DMXL2: variants seen among roughly 807,000 people sequenced by gnomAD.
DMXL2 encodes the protein dmX-like protein 2.
A neutral mutation model predicts 331.1 loss-of-function variants in DMXL2; 103 were observed. The ratio of observed to expected loss-of-function variants is 0.31; its 90% CI spans 0.27 to 0.37. DMXL2 has a LOEUF of 0.37. DMXL2 is among the 10% of genes least tolerant of loss of function. The pLI is 1.00. For synonymous variants in DMXL2, 1,281 were observed against 1,252.1 expected (o/e 1.02, Z -0.49); for missense variants, 3,171 against 3,642.9 (o/e 0.87, Z 3.33).
At chr15:51,616,327 T>C (rs1484686388) in intron 1 of DMXL2, among the ~76,000 whole-genome samples, 1 of 152,128 alleles carries the variant, frequency 6.6e-6, no homozygotes, top group East Asian at 1.9e-4. Context: ...ATGAGAGGAT[T>C]TGAGAGTAAA....
At chr15:51,588,345 G>A (rs2052018657) in intron 1 of DMXL2, among the ~76,000 whole-genome samples, 1 of 151,972 alleles carries the variant, frequency 6.6e-6, no homozygotes, top group African/African-American at 2.4e-5. Flanking sequence ...TTTTGGTAGA[G>A]ATAGTATTTC....
chr15:51,452,966 T>C (rs951387798), intron 41 of DMXL2, among the ~76,000 whole-genome samples: 3 of 152,232 alleles, frequency 2.0e-5, no homozygotes, highest in African/African-American at 7.2e-5. Context: ...AGGCCATTAT[T>C]CTAAGTGAAG....
At chr15:51,478,186 C>A (rs955284642) in intron 26 of DMXL2, 85 bp downstream of exon 26, 28 of 1,079,430 alleles carry the variant, frequency 2.6e-5, no homozygotes, top group Non-Finnish European at 3.6e-5. Context: ...ATTTTTCAGT[C>A]CCTAGGAAAT....
rs1242647934 is a variant in DMXL2, at chr15:51,547,279, G to A, written c.697C>T (p.Arg233Ter). Residue 233 changes from arginine (R) to a stop codon, truncating the protein, a stop_gained, in exon 7 of 44, where the codon CGA (arginine) becomes TGA (stop). Coordinates refer to ENST00000560891, the MANE Select transcript of DMXL2 (RefSeq NM_001378457.1). LOFTEE classifies it high-confidence loss of function. ...QFSFVYLAHP[R>*]AVTGFSWRKT... ...CGCCACGAAAAACCTGTCACAGCTC[G>A]GGGATGTGCCAAGTAAACAAAAGAA... 2.5e-6 allele frequency: 4 copies of A among 1,612,738 alleles called. No homozygotes were observed. The highest frequency in any genetic ancestry group is 1.1e-5 in the South Asian group (1 of 90,954).
intron 1 of DMXL2, among the ~76,000 whole-genome samples, chr15:51,606,377 G>C (rs574192937): frequency 2.0e-5 from 3 of 152,224 alleles, no homozygotes; most frequent in African/African-American, 4.8e-5. Context: ...CGTATTTTTA[G>C]TAGAGACAGG....
At chr15:51,569,362 G>C (rs1214842378) in intron 2 of DMXL2, among the ~76,000 whole-genome samples, 1 of 152,144 alleles carries the variant, frequency 6.6e-6, no homozygotes, top group Non-Finnish European at 1.5e-5. Flanking sequence ...AGCTCCCCGA[G>C]ACAGAGCACG....
At position 51,595,479 on chromosome 15, in the gene DMXL2, G is replaced by A. The variant is rs186390677; in HGVS notation, c.88-19298C>T. On this transcript the variant is annotated intron_variant, in intron 1 of 43. Transcript: ENST00000560891. Reference sequence around the variant, plus strand: ...CATGGGTAGGAAGAATCAATATCGTGAAAATGGCCATACTGCCCAAGGTAA... The same window carrying A: ...CATGGGTAGGAAGAATCAATATCGTAAAAATGGCCATACTGCCCAAGGTAA... 7.6e-3 allele frequency among the ~76,000 whole-genome samples: 1,163 copies of A among 152,300 alleles called. 17 individuals carry two copies. The highest frequency in any genetic ancestry group is 0.026 in the African/African-American group (1,091 of 41,566).
intron 1 of DMXL2, among the ~76,000 whole-genome samples, chr15:51,619,232 G>A (rs1162514637): frequency 2.0e-5 from 3 of 152,128 alleles, no homozygotes; most frequent in East Asian, 3.8e-4. Context: ...GCTCATACAC[G>A]GGAGAAGATC....
chr15:51,555,411 A>G (rs1596242710), intron 6 of DMXL2, among the ~76,000 whole-genome samples: 1 of 152,158 alleles, frequency 6.6e-6, no homozygotes, highest in African/African-American at 2.4e-5. Flanking sequence ...ACAGGCAAAA[A>G]ATACAAAGTT....
Position 51,480,762 on chromosome 15 carries a change from A to G in DMXL2, c.6344T>C (p.Met2115Thr), listed in dbSNP as rs771610863. The change falls in exon 24 of 44, where the codon ATG becomes ACG. Residue 2115 changes from methionine (M) to threonine (T), a missense_variant. Physicochemically the swap from Met to Thr is moderately conservative, Grantham distance 81 (BLOSUM62 -1). Transcript: ENST00000560891. ...VESDLLDQEE[M>T]VDKPDIGSYE... ...GGAACCAATATCTGGTTTGTCTACCATTTCTTCCTGATCCAGCAGATCACT... is the reference window on the plus strand; with the variant it reads ...GGAACCAATATCTGGTTTGTCTACCGTTTCTTCCTGATCCAGCAGATCACT... 6 of 1,600,684 alleles carry G rather than the reference A, an allele frequency of 3.7e-6. No individual in the cohort carries two copies. Among genetic ancestry groups the G allele is most frequent in the African/African-American group, 2.7e-5 (2 of 74,436 alleles).
Position 51,481,107 on chromosome 15 carries a change from C to G in DMXL2, c.5999G>C (p.Ser2000Thr). 1.2e-6 allele frequency: 2 copies of G among 1,612,680 alleles called. No homozygotes were observed. Among genetic ancestry groups the G allele is most frequent in the Non-Finnish European group, 8.5e-7 (1 of 1,178,922 alleles). ...TTTATCTTTTTCCCTGGCATCTGTA[C>G]TTTTCATCACTAAACCAACAGCATC... is the stretch of plus-strand genomic sequence containing the variant. ...EDDAVGLVMK[S>T]TDAREKDKQS... is the part of the protein sequence containing the mutation. The change falls in exon 24 of 44, where the codon AGT (serine) becomes ACT (threonine). Residue 2000 changes from serine (S) to threonine (T), a missense_variant. By Grantham distance (58) the Ser-to-Thr change is moderately conservative. Around this residue, in one of 7 missense-constraint regions of DMXL2, gnomAD observed 244 missense variants for 251.4 expected, o/e 0.97. Coordinates refer to ENST00000560891, the MANE Select transcript of DMXL2 (RefSeq NM_001378457.1).
intron 22 of DMXL2, among the ~76,000 whole-genome samples, chr15:51,487,032 A>T (rs996064058): frequency 6.6e-6 from 1 of 152,142 alleles, no homozygotes; most frequent in Non-Finnish European, 1.5e-5. Flanking sequence ...TTTTTCTATC[A>T]TATATTATTC....
In DMXL2 at chr15:51,500,040, T is replaced by C; in HGVS notation, c.3184A>G (p.Ser1062Gly). 3.7e-6 allele frequency: 6 copies of C among 1,614,212 alleles called. No homozygotes were observed. Among genetic ancestry groups the C allele is most frequent in the Non-Finnish European group, 4.2e-6 (5 of 1,180,024 alleles). ...PLMNDEGEDN[S>G]STVSIVGRPV... ...CTTCCCACAATGCTCACTGTACTGC[T>C]ATTATCTTCTCCTTCATCATTCATC... The change falls in exon 18 of 44, where the codon AGC (serine) becomes GGC (glycine). Residue 1062 changes from serine to glycine, a missense_variant. By Grantham distance (56) the Ser-to-Gly change is moderately conservative. This residue lies in a region of DMXL2 where 1,674 missense variants were observed against 1,780.2 expected (regional missense o/e 0.94). Coordinates refer to ENST00000560891, the MANE Select transcript of DMXL2 (RefSeq NM_001378457.1).
At chr15:51,588,120 G>A (rs560325351) in intron 1 of DMXL2, among the ~76,000 whole-genome samples, 17 of 149,344 alleles carry the variant, frequency 1.1e-4, no homozygotes, top group South Asian at 2.1e-4. Context: ...TCTGTAGGTC[G>A]CCTGTTCACT....
At chr15:51,608,218 A>T (rs1397774687) in intron 1 of DMXL2, among the ~76,000 whole-genome samples, 1 of 152,036 alleles carries the variant, frequency 6.6e-6, no homozygotes, top group Non-Finnish European at 1.5e-5. Flanking sequence ...TAAAAACAGA[A>T]CTACAATTCA....
chr15:51,555,036 T>C (rs1299576191), intron 6 of DMXL2, among the ~76,000 whole-genome samples: 2 of 152,134 alleles, frequency 1.3e-5, no homozygotes, highest in African/African-American at 4.8e-5. Context: ...CACACGCTTG[T>C]AATCCCAGTC....
At chr15:51,468,643 G>C (rs1014746870) in intron 29 of DMXL2, among the ~76,000 whole-genome samples, 1 of 152,068 alleles carries the variant, frequency 6.6e-6, no homozygotes, top group Non-Finnish European at 1.5e-5. Flanking sequence ...TTGATGAAGA[G>C]ACATTCCAGC....
chr15:51,464,733 C>A lies in DMXL2; in HGVS notation c.7750G>T (p.Ala2584Ser), dbSNP rs1038852453. The change falls in exon 32 of 44, where the codon GCT (alanine) becomes TCT (serine). Residue 2584 changes from alanine (A) to serine (S), a missense_variant. Around this residue, in one of 7 missense-constraint regions of DMXL2, gnomAD observed 766 missense variants for 940.5 expected, o/e 0.81. Coordinates refer to ENST00000560891, the MANE Select transcript of DMXL2 (RefSeq NM_001378457.1). ...TTATTTCGAAGAATAGCTGGTCCAG[C>A]TCCCACTGAAAGGTCAGTTGGATAT... The part of the protein sequence containing the change: ...NTYPTDLSVG[A>S]GPAILRNKAM... 1 of 1,614,016 alleles carries A rather than the reference C, an allele frequency of 6.2e-7. No homozygotes were observed. The highest frequency in any genetic ancestry group is 2.2e-5 in the East Asian group (1 of 44,878).
intron 42 of DMXL2, among the ~76,000 whole-genome samples, chr15:51,451,086 G>C (rs1277842045): frequency 6.6e-6 from 1 of 152,116 alleles, no homozygotes; most frequent in Non-Finnish European, 1.5e-5. Context: ...TATTTAAATG[G>C]CACTGTTTAC....
Sources: allele counts gnomAD v4.1 joint callset (sites outside exome capture counted in the v4.1 genomes callset), GRCh38; gene constraint gnomAD v4.1.1; regional missense constraint gnomAD v4.1.1; transcripts MANE v1.5; gene names NCBI Gene and HGNC (gene_info 2026-07-23, HGNC 2026-07-21).